Variants in PTPRN2 observed in about 807,000 individuals in gnomAD.
The protein encoded by PTPRN2 is protein tyrosine phosphatase receptor type N2.
PTPRN2 carries 74 observed loss-of-function variants against 118.8 expected under a neutral mutation model. The observed-to-expected ratio is 0.62, with a 90% CI of 0.52 to 0.76. The LOEUF (loss-of-function observed/expected upper bound fraction) is 0.76, where lower values mean the gene tolerates loss of function less well. PTPRN2 is among the 30% of genes least tolerant of loss of function. The pLI, the probability that PTPRN2 is intolerant of heterozygous loss-of-function variation, is 0.00. For missense variants in PTPRN2, 1,481 were observed against 1,394.4 expected (o/e 1.06, Z -0.99); for synonymous variants, 641 against 608.0 (o/e 1.05, Z -0.80).
chr7:157,899,360 T>C (rs1797311016), intron 11 of PTPRN2, among the ~76,000 whole-genome samples: 2 of 152,114 alleles, frequency 1.3e-5, no homozygotes, highest in South Asian at 4.2e-4. Context: ...TGGAAACAAT[T>C]AGCAGATGGA....
At chr7:158,551,313 C>T (rs981626626) in intron 1 of PTPRN2, among the ~76,000 whole-genome samples, 8 of 152,254 alleles carry the variant, frequency 5.3e-5, no homozygotes, top group Admixed American at 2.6e-4. Context: ...CTCACCCAAC[C>T]CTAATCACCT....
At chr7:157,664,654 G>A (rs763706201) in intron 13 of PTPRN2, among the ~76,000 whole-genome samples, 14 of 152,120 alleles carry the variant, frequency 9.2e-5, no homozygotes, top group Non-Finnish European at 1.3e-4. Flanking sequence ...AGCTACTTGA[G>A]AGGCCGAGGT....
intron 3 of PTPRN2, among the ~76,000 whole-genome samples, chr7:158,286,130 A>C (rs912220010): frequency 2.6e-5 from 4 of 152,274 alleles, no homozygotes; most frequent in South Asian, 4.1e-4. Context: ...TATAAATGGG[A>C]TTATTATCTG....
chr7:158,116,614 T>C (rs1210974339), intron 9 of PTPRN2, among the ~76,000 whole-genome samples: 1 of 152,258 alleles, frequency 6.6e-6, no homozygotes, highest in African/African-American at 2.4e-5. Context: ...TTGCTGCTTC[T>C]CATCACAGAG....
Position 158,438,321 on chromosome 7 carries a change from G to A in PTPRN2, c.163+51414C>T, listed in dbSNP as rs1013421152. Reference sequence around the variant, plus strand: ...GAACCTGGGAGGCAGAAGTTGCAGTGCCACTGCACTCCAACCTGGGCAACA... The same window carrying A: ...GAACCTGGGAGGCAGAAGTTGCAGTACCACTGCACTCCAACCTGGGCAACA... On this transcript the variant is annotated intron_variant, in intron 2 of 22. Coordinates refer to ENST00000389418, the MANE Select transcript of PTPRN2 (RefSeq NM_002847.5). The surrounding 1 kb of genome is among the most constrained non-coding windows in gnomAD (Gnocchi z 4.7). 6.6e-6 allele frequency among the ~76,000 whole-genome samples: 1 copy of A among 151,630 alleles called. No individual in the cohort carries two copies. The highest frequency in any genetic ancestry group is 1.5e-5 in the Non-Finnish European group (1 of 67,946).
chr7:157,697,545 G>T (rs1585257526), intron 12 of PTPRN2, among the ~76,000 whole-genome samples: 1 of 132,146 alleles, frequency 7.6e-6, no homozygotes. Flanking sequence ...TCTTGGCAGA[G>T]CCCTCACCAT....
intron 6 of PTPRN2, among the ~76,000 whole-genome samples, chr7:158,139,424 G>C (rs1819161803): frequency 6.6e-6 from 1 of 152,130 alleles, no homozygotes; most frequent in African/African-American, 2.4e-5. Flanking sequence ...TGGAAGAACA[G>C]AATGGGAGAC....
At chr7:157,908,022 G>A (rs541973752) in intron 11 of PTPRN2, among the ~76,000 whole-genome samples, 2 of 152,350 alleles carry the variant, frequency 1.3e-5, no homozygotes, top group East Asian at 3.9e-4. Flanking sequence ...GCCCACAGCC[G>A]CAGAGCCGCC....
Position 157,910,533 on chromosome 7 carries a change from G to A in PTPRN2, c.1724-11796C>T, listed in dbSNP as rs549694748. 3.3e-5 allele frequency among the ~76,000 whole-genome samples: 5 copies of A among 152,326 alleles called. 1 individual carries two copies. Among genetic ancestry groups the A allele is most frequent in the African/African-American group, 9.6e-5 (4 of 41,578 alleles). On this transcript the variant is annotated intron_variant, in intron 11 of 22. Transcript: ENST00000389418. The stretch of plus-strand genomic sequence containing the variant: ...TGGGAACGGGTCCAGGATCACGCAC[G>A]TACGCCGTAGGAACGGGCGCAGAAT...
intron 5 of PTPRN2, among the ~76,000 whole-genome samples, chr7:158,176,803 G>T (rs374045233): frequency 4.6e-5 from 7 of 152,202 alleles, no homozygotes; most frequent in Non-Finnish European, 8.8e-5. Flanking sequence ...ACATGAGGGG[G>T]CAAACTTTTA....
intron 10 of PTPRN2, among the ~76,000 whole-genome samples, chr7:158,089,921 C>G (rs191126079): frequency 8.4e-5 from 2 of 23,750 alleles, no homozygotes; most frequent in East Asian, 5.9e-3. Flanking sequence ...CTTCCCCTGA[C>G]GAAAGAGGGA....
At chr7:158,495,802 G>A (rs1821801164) in intron 1 of PTPRN2, among the ~76,000 whole-genome samples, 1 of 152,186 alleles carries the variant, frequency 6.6e-6, no homozygotes, top group African/African-American at 2.4e-5. Flanking sequence ...TGGGAGGACA[G>A]AGACCCCCAG....
At chr7:158,471,652 C>A (rs1819860160) in intron 2 of PTPRN2, among the ~76,000 whole-genome samples, 1 of 152,020 alleles carries the variant, frequency 6.6e-6, no homozygotes, top group Non-Finnish European at 1.5e-5. Context: ...TGCGCCACTG[C>A]ACTCCAGCCT....
At chr7:157,562,829 G>A (rs1262319780) in intron 21 of PTPRN2, among the ~76,000 whole-genome samples, 9 of 123,218 alleles carry the variant, frequency 7.3e-5, no homozygotes, top group Non-Finnish European at 1.1e-4. Flanking sequence ...CGTGCTCCAC[G>A]TCACCACACG....
intron 13 of PTPRN2, among the ~76,000 whole-genome samples, chr7:157,668,989 C>A (rs190399951): frequency 6.6e-6 from 1 of 152,244 alleles, no homozygotes; most frequent in Non-Finnish European, 1.5e-5. Flanking sequence ...AAGGAACCGC[C>A]TCACATGCTA....
intron 11 of PTPRN2, among the ~76,000 whole-genome samples, chr7:158,072,539 C>A (rs1341178749): frequency 1.3e-5 from 2 of 152,180 alleles, no homozygotes; most frequent in Non-Finnish European, 2.9e-5. Context: ...TGCTGAATAG[C>A]CTCATGCTGG....
intron 5 of PTPRN2, among the ~76,000 whole-genome samples, chr7:158,180,230 G>A (rs1824581137): frequency 6.6e-6 from 1 of 152,172 alleles, no homozygotes; most frequent in African/African-American, 2.4e-5. Flanking sequence ...TATCAAACAG[G>A]TGTCCTTTCC....
intron 14 of PTPRN2, 27 bp from the exon 15 acceptor site, chr7:157,621,536 C>A (rs374791369): frequency 3.1e-6 from 5 of 1,608,660 alleles, no homozygotes; most frequent in Non-Finnish European, 4.2e-6. Flanking sequence ...GGGTCAGGAG[C>A]GCACCTAGGT....
At chr7:158,075,298 C>T (rs1453296605) in intron 11 of PTPRN2, among the ~76,000 whole-genome samples, 1 of 152,218 alleles carries the variant, frequency 6.6e-6, no homozygotes, top group Non-Finnish European at 1.5e-5. Flanking sequence ...TGTTTACAAC[C>T]TCCTGGGGCT....
Sources: gnomAD v4.1 joint callset for allele counts (sites outside exome capture counted in the v4.1 genomes callset) on GRCh38, gnomAD v4.1.1 for gene constraint, Gnocchi (gnomAD v3.1) non-coding constraint, MANE v1.5 for transcripts, NCBI Gene and HGNC (gene_info 2026-07-23, HGNC 2026-07-21) for gene names.